The following DDAH1 variants were observed in gnomAD, a reference collection of about 807,000 sequenced individuals.
DDAH1 encodes the protein dimethylarginine dimethylaminohydrolase 1.
DDAH1 carries 19 observed loss-of-function variants against 28.8 expected under a neutral mutation model. The ratio of observed to expected loss-of-function variants is 0.66; its 90% confidence interval spans 0.46 to 0.97. The LOEUF (loss-of-function observed/expected upper bound fraction) is 0.97. DDAH1 is among the 50% of genes least tolerant of loss of function. DDAH1 has a pLI of 0.00. For missense variants in DDAH1, 326 were observed against 375.9 expected, an observed-to-expected ratio of 0.87 and a Z score of 1.10; for synonymous variants, 153 against 154.4, an observed-to-expected ratio of 0.99 and a Z score of 0.07.
intron 1 of DDAH1, among the ~76,000 whole-genome samples, chr1:85,413,801 A>G (rs895395009): frequency 1.3e-5 from 2 of 152,226 alleles, no homozygotes; most frequent in African/African-American, 4.8e-5. Flanking sequence ...TTCATCTTTC[A>G]TCTTTTCCAA....
chr1:85,372,745 A>G (rs930295350), intron 1 of DDAH1, among the ~76,000 whole-genome samples: 9 of 152,152 alleles, frequency 5.9e-5, no homozygotes, highest in African/African-American at 2.2e-4. Flanking sequence ...CCTCAACACC[A>G]TCTAGATTCT....
intron 1 of DDAH1, among the ~76,000 whole-genome samples, chr1:85,456,314 T>C (rs894027177): frequency 3.9e-5 from 6 of 152,228 alleles, no homozygotes; most frequent in African/African-American, 1.4e-4. Flanking sequence ...AAAAATAATT[T>C]CAACAGCAAA....
At chr1:85,557,154 C>T (rs761158625) in intron 1 of DDAH1, among the ~76,000 whole-genome samples, 3 of 152,048 alleles carry the variant, frequency 2.0e-5, no homozygotes, top group Admixed American at 6.6e-5. Flanking sequence ...AGCTTCCTCA[C>T]CAGAAATAAG....
intron 4 of DDAH1, among the ~76,000 whole-genome samples, chr1:85,341,232 C>A (rs1336211961): frequency 6.6e-6 from 1 of 152,194 alleles, no homozygotes; most frequent in Non-Finnish European, 1.5e-5. Context: ...GGGATAGTAT[C>A]TTTCATATAT....
chr1:85,358,545 A>G (rs1417474801), intron 2 of DDAH1, among the ~76,000 whole-genome samples: 1 of 152,202 alleles, frequency 6.6e-6, no homozygotes, highest in Non-Finnish European at 1.5e-5. Flanking sequence ...ACTACTCAGG[A>G]GGCTGAGGCA....
intron 1 of DDAH1, among the ~76,000 whole-genome samples, chr1:85,496,573 GAC>G (rs1656602876): frequency 1.3e-5 from 2 of 152,158 alleles, no homozygotes; most frequent in Admixed American, 1.3e-4. Flanking sequence ...AGAGAGCAAT[GAC>G]ACAGAGTAAA....
intron 1 of DDAH1, among the ~76,000 whole-genome samples, chr1:85,513,809 T>C (rs1657343467): frequency 6.6e-6 from 1 of 152,126 alleles, no homozygotes; most frequent in Non-Finnish European, 1.5e-5. Context: ...TAAGATACCA[T>C]CTCATGCCAG....
chr1:85,359,457 C>T (rs1336134860), intron 1 of DDAH1, among the ~76,000 whole-genome samples: 3 of 152,134 alleles, frequency 2.0e-5, no homozygotes, highest in Non-Finnish European at 4.4e-5. Context: ...CCCAATTATC[C>T]TACCCTTGCC....
intron 1 of DDAH1, among the ~76,000 whole-genome samples, chr1:85,413,935 T>A (rs767062175): frequency 5.3e-5 from 8 of 152,254 alleles, no homozygotes; most frequent in Non-Finnish European, 1.0e-4. Context: ...TGTTGACTAA[T>A]TCTCTACAGA....
rs556154360 is a variant in DDAH1, at chr1:85,542,296, G to C, written c.-123+35688C>G. ...GCTGTTGTGTCATGATCTTTGAAAAGACACCAAGAGTGAATATTCCTGAAA... is the reference window on the plus strand; with the variant it reads ...GCTGTTGTGTCATGATCTTTGAAAACACACCAAGAGTGAATATTCCTGAAA... On this transcript the variant is annotated intron_variant, in intron 1 of 6. Transcript: ENST00000426972. Among the ~76,000 whole-genome samples the C allele has an allele frequency of 8.5e-5, 13 of 152,302 alleles. No homozygotes were observed. The South Asian group carries it at 2.7e-3, about 32-fold the overall frequency.
chr1:85,399,203 T>C (rs1651955850), intron 1 of DDAH1: 1 of 152,220 alleles, frequency 6.6e-6, no homozygotes, highest in Admixed American at 6.5e-5. Context: ...CATTATCCTT[T>C]TGATAGTCAT....
intron 1 of DDAH1, among the ~76,000 whole-genome samples, chr1:85,547,989 A>T (rs921739102): frequency 9.2e-5 from 14 of 152,224 alleles, no homozygotes; most frequent in South Asian, 6.2e-4. Context: ...TTCTTAACCT[A>T]TAGTCTGTAA....
chr1:85,512,924 C>G (rs1236254280), intron 1 of DDAH1, among the ~76,000 whole-genome samples: 6 of 152,106 alleles, frequency 3.9e-5, no homozygotes, highest in Admixed American at 3.9e-4. Flanking sequence ...GGCCATACAG[C>G]CTAAGGTAAT....
chr1:85,513,736 A>T (rs1389819969), intron 1 of DDAH1, among the ~76,000 whole-genome samples: 1 of 152,268 alleles, frequency 6.6e-6, no homozygotes, highest in Admixed American at 6.5e-5. Flanking sequence ...TATGCAGCCA[A>T]CAGACACATG....
chr1:85,398,814 T>C (rs1167003018), intron 1 of DDAH1: 1 of 152,212 alleles, frequency 6.6e-6, no homozygotes, highest in Non-Finnish European at 1.5e-5. Context: ...AATCCTTAGT[T>C]TTTGTGAGTA....
intron 4 of DDAH1, among the ~76,000 whole-genome samples, chr1:85,341,603 A>G (rs1309845757): frequency 6.6e-6 from 1 of 152,312 alleles, no homozygotes; most frequent in African/African-American, 2.4e-5. Context: ...TCACGAGGTC[A>G]GGAGATTGAG....
At chr1:85,336,449 GAAGA>G (rs763525231) in intron 4 of DDAH1, among the ~76,000 whole-genome samples, 71 of 151,894 alleles carry the variant, frequency 4.7e-4, no homozygotes, top group Non-Finnish European at 9.7e-4. Flanking sequence ...CAAGGTCAAT[GAAGA>G]AATTAAGAAA....
chr1:85,449,103 T>C (rs1654556923), intron 1 of DDAH1, among the ~76,000 whole-genome samples: 1 of 152,082 alleles, frequency 6.6e-6, no homozygotes. Context: ...AATGGCCCAA[T>C]AGCACAAGGC....
chr1:85,367,663 G>A (rs1156817247), intron 1 of DDAH1, among the ~76,000 whole-genome samples: 2 of 152,192 alleles, frequency 1.3e-5, no homozygotes, highest in African/African-American at 2.4e-5. Context: ...TCTGGTGCAA[G>A]TGACCCAATA....
Sources: gnomAD v4.1 joint callset for allele counts (sites outside exome capture counted in the v4.1 genomes callset) on GRCh38, gnomAD v4.1.1 for gene constraint, MANE v1.5 for transcripts, NCBI Gene and HGNC (gene_info 2026-07-23, HGNC 2026-07-21) for gene names.